Variants in PCDHGB6 observed in about 807,000 individuals in gnomAD.
PCDHGB6 encodes protocadherin gamma subfamily B, 6.
A neutral mutation model predicts 59.1 loss-of-function variants in PCDHGB6; 51 were observed. The ratio of observed to expected loss-of-function variants is 0.86; its 90% CI spans 0.69 to 1.09. The LOEUF (loss-of-function observed/expected upper bound fraction) is 1.09, where lower values mean the gene tolerates loss of function less well. Among genes scored for constraint, PCDHGB6 ranks in the 50% least tolerant of loss-of-function variants. PCDHGB6 has a pLI of 0.00. For synonymous variants in PCDHGB6, 466 were observed against 495.1 expected (o/e 0.94, Z 0.78); for missense variants, 1,148 against 1,205.1 (o/e 0.95, Z 0.70).
At chr5:141,420,651 T>A (rs1357679146) in intron 1 of PCDHGB6, among the ~76,000 whole-genome samples, 1 of 152,274 alleles carries the variant, frequency 6.6e-6, no homozygotes, top group East Asian at 1.9e-4. Flanking sequence ...GTAAGAATTA[T>A]AGTTAGGCAT....
chr5:141,509,785 C>T (rs1445220885), intron 3 of PCDHGB6, among the ~76,000 whole-genome samples: 1 of 152,166 alleles, frequency 6.6e-6, no homozygotes, highest in African/African-American at 2.4e-5. Context: ...CCGAGATCAT[C>T]ATCTCCTCAG....
intron 1 of PCDHGB6, chr5:141,422,871 G>T (rs769543752): frequency 3.7e-6 from 6 of 1,614,098 alleles, no homozygotes; most frequent in Non-Finnish European, 5.1e-6. Context: ...GCAACGTGTC[G>T]CTGAGCCTGT....
intron 1 of PCDHGB6, chr5:141,478,602 T>C (rs2099466537): frequency 6.4e-7 from 1 of 1,563,560 alleles, no homozygotes; most frequent in Admixed American, 1.9e-5. Context: ...TCCTACATCA[T>C]ATTGAGGAAG....
chr5:141,433,032 C>G, intron 1 of PCDHGB6: 1 of 1,614,188 alleles, frequency 6.2e-7, no homozygotes, highest in Non-Finnish European at 8.5e-7. Context: ...CACGAGGTTT[C>G]CCTCACCACG....
rs185280755 is a variant in PCDHGB6 at position 141,476,824 on chromosome 5, C to T, written c.2419-17983C>T. Reference sequence around the variant, plus strand: ...TGCCTATTCACATCAAGGTGCTGGACGCGAATGACAATGCGCCTGTCTTCA... The same window carrying T: ...TGCCTATTCACATCAAGGTGCTGGATGCGAATGACAATGCGCCTGTCTTCA... On this transcript the variant is annotated intron_variant, in intron 1 of 3. Transcript: ENST00000520790. This position sits in a 1 kb window ranked among gnomAD's most constrained non-coding sequence, Gnocchi z 7.6. 24 of 1,613,588 alleles carry T rather than the reference C, an allele frequency of 1.5e-5. No homozygotes were observed. The East Asian group carries it at 4.5e-4, about 30-fold the overall frequency.
intron 1 of PCDHGB6, chr5:141,417,612 T>C: frequency 1.6e-6 from 1 of 617,852 alleles, no homozygotes; most frequent in Non-Finnish European, 2.6e-6. Flanking sequence ...CGTCGGCCAG[T>C]GCAGAGCAAG....
chr5:141,432,173 G>C lies in PCDHGB6; in HGVS notation c.2418+21553G>C, dbSNP rs771177256. On this transcript the variant is annotated intron_variant, in intron 1 of 3. Transcript: ENST00000520790. This position sits in a 1 kb window ranked among gnomAD's most constrained non-coding sequence, Gnocchi z 6.0. ...GAACAATCCCAGAGGAGTTTCCCTC[G>C]TCTCTGTGACCGCCCACGACCCCGA... The C allele has an allele frequency of 3.1e-6, 5 of 1,614,054 alleles. No homozygotes were observed. Among genetic ancestry groups the C allele is most frequent in the South Asian group, 1.1e-5 (1 of 91,054 alleles).
chr5:141,465,430 C>T (rs1212434943), intron 1 of PCDHGB6, among the ~76,000 whole-genome samples: 2 of 152,150 alleles, frequency 1.3e-5, no homozygotes, highest in Non-Finnish European at 2.9e-5. Context: ...AAGGTGGGCA[C>T]TTAATGATTA....
At chr5:141,504,381 T>C (rs1039838477) in intron 2 of PCDHGB6, among the ~76,000 whole-genome samples, 4 of 152,130 alleles carry the variant, frequency 2.6e-5, no homozygotes, top group Non-Finnish European at 5.9e-5. Context: ...GTGGAGTCGC[T>C]GCCTCACAGA....
intron 1 of PCDHGB6, among the ~76,000 whole-genome samples, chr5:141,420,742 A>T (rs967908996): frequency 6.6e-6 from 1 of 152,254 alleles, no homozygotes; most frequent in African/African-American, 2.4e-5. Flanking sequence ...AATCAATTGG[A>T]ACCAACTACA....
intron 1 of PCDHGB6, chr5:141,417,692 C>T (rs2096147964): frequency 1.8e-6 from 2 of 1,089,118 alleles, no homozygotes; most frequent in Non-Finnish European, 2.5e-6. Flanking sequence ...AAAAGAAAAC[C>T]AGCTCCCACA....
chr5:141,489,300 C>A lies in PCDHGB6; in HGVS notation c.2419-5507C>A. On this transcript the variant is annotated intron_variant, in intron 1 of 3. Coordinates refer to ENST00000520790, the MANE Select transcript of PCDHGB6 (RefSeq NM_018926.3). The surrounding 1 kb of genome is among the most constrained non-coding windows in gnomAD (Gnocchi z 4.5). ...AATGGCAAGTGCTGTGCATGTTGTC[C>A]TTGTGCTGCTGGGGCTGGGTGTCTG... 1 of 1,585,698 alleles carries A rather than the reference C, an allele frequency of 6.3e-7. No homozygotes were observed. Among genetic ancestry groups the A allele is most frequent in the South Asian group, 1.2e-5 (1 of 85,012 alleles).
intron 1 of PCDHGB6, chr5:141,492,046 A>C: frequency 6.1e-6 from 3 of 494,434 alleles, no homozygotes; most frequent in South Asian, 8.1e-5. Flanking sequence ...TCACAGATCC[A>C]CCCCTGCAGC....
chr5:141,415,684 A>G, intron 1 of PCDHGB6: 2 of 1,437,842 alleles, frequency 1.4e-6, no homozygotes, highest in Non-Finnish European at 1.9e-6. Flanking sequence ...TTGCGGCATG[A>G]TGGTGGAAAG....
In PCDHGB6 at chr5:141,413,207, C is replaced by G. The variant is rs563279284; in HGVS notation, c.2418+2587C>G. The G allele has an allele frequency of 2.1e-4, 334 of 1,612,874 alleles. 3 individuals carry two copies. In the South Asian group the frequency reaches 3.4e-3, roughly 17 times the overall value. On this transcript the variant is annotated intron_variant, in intron 1 of 3. Coordinates refer to ENST00000520790, the MANE Select transcript of PCDHGB6 (RefSeq NM_018926.3). ...GCTCAAAGGAATCGCTCAAAGGAAT[C>G]AAAGGATTGCAGCGGGCTGGTCCTG... is the stretch of plus-strand genomic sequence containing the variant.
chr5:141,418,954 T>C (rs1490406390), intron 1 of PCDHGB6: 2 of 1,613,914 alleles, frequency 1.2e-6, no homozygotes, highest in Admixed American at 1.7e-5. Flanking sequence ...CAGGAGTGGT[T>C]GTTGCCCTCT....
intron 1 of PCDHGB6, among the ~76,000 whole-genome samples, chr5:141,481,293 TC>T (rs2099535148): frequency 6.6e-6 from 1 of 152,174 alleles, no homozygotes; most frequent in South Asian, 2.1e-4. Context: ...ATTTCAGTCA[TC>T]TAAGGGAAAA....
At chr5:141,423,755 GGGGGGT>G in intron 1 of PCDHGB6, 4 of 512,470 alleles carry the variant, frequency 7.8e-6, no homozygotes, top group Non-Finnish European at 1.0e-5. Context: ...CTGTTTGGGG[GGGGGGT>G]GGGGCGGCAT....
rs750014647 is a variant in PCDHGB6, at chr5:141,426,649, T to C, written c.2418+16029T>C. 53 of 418,716 alleles carry C rather than the reference T, an allele frequency of 1.3e-4. 1 individual carries two copies. Among genetic ancestry groups the C allele is most frequent in the South Asian group, 6.9e-4 (42 of 60,762 alleles). The allele number at this position is 418,716 out of a possible 1,614,324, so 25.9% of individuals were successfully genotyped here. On this transcript the variant is annotated intron_variant, in intron 1 of 3. Coordinates refer to ENST00000520790, the MANE Select transcript of PCDHGB6 (RefSeq NM_018926.3). Reference sequence around the variant, plus strand: ...AATGTTTTTCACATAAATGTGATGATAGAAGATATAAATGATAACCCACCT... The same window carrying C: ...AATGTTTTTCACATAAATGTGATGACAGAAGATATAAATGATAACCCACCT...
Sources: gnomAD v4.1 joint callset for allele counts (sites outside exome capture counted in the v4.1 genomes callset) on GRCh38, gnomAD v4.1.1 for gene constraint, Gnocchi (gnomAD v3.1) non-coding constraint, MANE v1.5 for transcripts, NCBI Gene and HGNC (gene_info 2026-07-23, HGNC 2026-07-21) for gene names.